SLC1A2: variants seen among roughly 807,000 people sequenced by gnomAD.
The protein encoded by SLC1A2 is solute carrier family 1 member 2.
A neutral mutation model predicts 48.8 loss-of-function variants in SLC1A2; 15 were observed. The observed-to-expected ratio is 0.31, with a 90% CI of 0.21 to 0.47. The LOEUF (loss-of-function observed/expected upper bound fraction) is 0.47. Ranked by LOEUF, SLC1A2 falls within the 20% of genes least tolerant of loss-of-function variation. SLC1A2 has a pLI of 0.99. For synonymous variants in SLC1A2, 279 were observed against 272.6 expected (o/e 1.02, Z -0.23); for missense variants, 502 against 730.5 (o/e 0.69, Z 3.61).
chr11:35,390,587 A>T (rs1325301615), intron 1 of SLC1A2: 1 of 152,108 alleles, frequency 6.6e-6, no homozygotes, highest in Non-Finnish European at 1.5e-5. Flanking sequence ...GTACCATCTC[A>T]TTAAGGAATT....
chr11:35,263,127 T>C (rs1950419335), intron 10 of SLC1A2, among the ~76,000 whole-genome samples: 1 of 152,198 alleles, frequency 6.6e-6, no homozygotes, highest in African/African-American at 2.4e-5. Context: ...CTAATATGGA[T>C]AATTCACATT....
chr11:35,420,040 G>A, upstream of SLC1A2: 1 of 400,744 alleles, frequency 2.5e-6, no homozygotes, highest in Non-Finnish European at 5.3e-6. Context: ...CTCCCCCGCC[G>A]AAGCTCGAAT....
At chr11:35,369,222 C>T (rs1157671537) in intron 1 of SLC1A2, among the ~76,000 whole-genome samples, 1 of 152,280 alleles carries the variant, frequency 6.6e-6, no homozygotes, top group African/African-American at 2.4e-5. Flanking sequence ...CCACCACCTT[C>T]CCAGAGACTG....
intron 8 of SLC1A2, among the ~76,000 whole-genome samples, chr11:35,281,388 T>C (rs1850629168): frequency 6.6e-6 from 1 of 152,312 alleles, no homozygotes; most frequent in Non-Finnish European, 1.5e-5. Flanking sequence ...CATTTCTGCT[T>C]ACGCTTTTAT....
At chr11:35,306,597 A>G (rs1180245814) in intron 4 of SLC1A2, among the ~76,000 whole-genome samples, 1 of 152,212 alleles carries the variant, frequency 6.6e-6, no homozygotes, top group Non-Finnish European at 1.5e-5. Flanking sequence ...AAGTACAGTC[A>G]TCCAACTCTG....
rs1275126382 is a variant in SLC1A2 at position 35,297,508 on chromosome 11, T to C, written c.857+4011A>G. On this transcript the variant is annotated intron_variant, in intron 6 of 10. Coordinates refer to ENST00000278379, the MANE Select transcript of SLC1A2 (RefSeq NM_004171.4). ...TAACACGTGTCATTGAATAGTTTTTTATTTAACAGTGTGGATGGATGGTGG... is the reference window on the plus strand; with the variant it reads ...TAACACGTGTCATTGAATAGTTTTTCATTTAACAGTGTGGATGGATGGTGG... Among the ~76,000 whole-genome samples the C allele has an allele frequency of 2.6e-5, 4 of 152,344 alleles. No individual in the cohort carries two copies. The East Asian group carries it at 5.8e-4, about 22-fold the overall frequency.
intron 1 of SLC1A2, among the ~76,000 whole-genome samples, chr11:35,354,298 A>T (rs114079634): frequency 0.027 from 4,150 of 151,358 alleles, 186 homozygotes; most frequent in African/African-American, 0.094. Context: ...CAAAAAAAAA[A>T]TTTTTTTTTA....
At chr11:35,262,883 A>G (rs1950415137) in intron 10 of SLC1A2, among the ~76,000 whole-genome samples, 1 of 152,238 alleles carries the variant, frequency 6.6e-6, no homozygotes, top group Admixed American at 6.5e-5. Flanking sequence ...TAATTAACCA[A>G]TGAGTTTGCA....
At chr11:35,358,560 A>G (rs932725859) in intron 1 of SLC1A2, among the ~76,000 whole-genome samples, 3 of 151,998 alleles carry the variant, frequency 2.0e-5, no homozygotes, top group Non-Finnish European at 4.4e-5. Context: ...CTCAAATCCA[A>G]TTTTTCCAGA....
intron 1 of SLC1A2, among the ~76,000 whole-genome samples, chr11:35,392,068 T>A (rs1451747130): frequency 6.6e-6 from 1 of 152,236 alleles, no homozygotes; most frequent in Non-Finnish European, 1.5e-5. Flanking sequence ...CTTATCTTGA[T>A]AAATAAATAA....
intron 1 of SLC1A2, among the ~76,000 whole-genome samples, chr11:35,356,300 A>T (rs1193653283): frequency 6.6e-6 from 1 of 152,196 alleles, no homozygotes; most frequent in Non-Finnish European, 1.5e-5. Context: ...CAGTGATGTT[A>T]TGGGCAGGTG....
chr11:35,389,132 A>G (rs1854678886), intron 1 of SLC1A2, among the ~76,000 whole-genome samples: 1 of 148,348 alleles, frequency 6.7e-6, no homozygotes, highest in African/African-American at 2.5e-5. Flanking sequence ...ATGACCAAAA[A>G]CTGAGGGAAA....
In SLC1A2 at chr11:35,257,209, C is replaced by G. The variant is rs140377588; in HGVS notation, c.*3685G>C. The G allele has an allele frequency of 6.6e-6, 1 of 152,142 alleles. No individual in the cohort carries two copies. The highest frequency in any genetic ancestry group is 1.5e-5 in the Non-Finnish European group (1 of 68,020). 9.4% of individuals were successfully genotyped at this position (152,142 alleles called of 1,614,324 possible). Reference sequence around the variant, plus strand: ...AAATGACCAGAGACCCTCTAATCAACAGGTCATTGAGATTCCTGGCATCAC... The same window carrying G: ...AAATGACCAGAGACCCTCTAATCAAGAGGTCATTGAGATTCCTGGCATCAC... On this transcript the variant is annotated 3_prime_UTR_variant, in exon 11 of 11. Transcript: ENST00000278379.
At position 35,305,269 on chromosome 11, in the gene SLC1A2, A is replaced by G. The variant is rs142285506; in HGVS notation, c.730+805T>C. Reference sequence around the variant, plus strand: ...TACTGAACTCCTCAGCTCTCCACCCACTTTGAATAATGATCACAGCTCATA... The same window carrying G: ...TACTGAACTCCTCAGCTCTCCACCCGCTTTGAATAATGATCACAGCTCATA... On this transcript the variant is annotated intron_variant, in intron 5 of 10. Transcript: ENST00000278379. Among the ~76,000 whole-genome samples, 27 of 152,298 alleles carry G rather than the reference A, an allele frequency of 1.8e-4. No homozygotes were observed. In the East Asian group the frequency reaches 5.2e-3, roughly 29 times the overall value.
rs956417853 is a variant in SLC1A2 at position 35,255,848 on chromosome 11, C to T, written c.*5046G>A. On this transcript the variant is annotated 3_prime_UTR_variant, in exon 11 of 11. Coordinates refer to ENST00000278379, the MANE Select transcript of SLC1A2 (RefSeq NM_004171.4). ...CTCAAAATATCAAACTGTGAATGAACATGGCCAACTTTGAAGCTTGTTGTA... is the reference window on the plus strand; with the variant it reads ...CTCAAAATATCAAACTGTGAATGAATATGGCCAACTTTGAAGCTTGTTGTA... 1 of 152,180 alleles carries T rather than the reference C, an allele frequency of 6.6e-6. No individual in the cohort carries two copies. Among genetic ancestry groups the T allele is most frequent in the Non-Finnish European group, 1.5e-5 (1 of 68,030 alleles). 9.4% of individuals were successfully genotyped at this position (152,180 alleles called of 1,614,324 possible). A position where few individuals can be genotyped will look rare whatever the true frequency, so the allele number is the denominator to read the frequency against.
chr11:35,384,469 AC>A (rs1258864279), intron 1 of SLC1A2, among the ~76,000 whole-genome samples: 3 of 152,208 alleles, frequency 2.0e-5, no homozygotes, highest in African/African-American at 7.2e-5. Flanking sequence ...AATAAGGAAG[AC>A]CCACTCAGAG....
intron 1 of SLC1A2, among the ~76,000 whole-genome samples, chr11:35,357,626 C>G (rs1031046252): frequency 6.6e-6 from 1 of 152,198 alleles, no homozygotes; most frequent in South Asian, 2.1e-4. Context: ...AAACAAATGA[C>G]ACCACAGCAA....
At chr11:35,286,218 T>C (rs1850815034) in intron 8 of SLC1A2, 1 of 152,268 alleles carries the variant, frequency 6.6e-6, no homozygotes. Flanking sequence ...TGCTATTTAT[T>C]TGTAATAAAA....
At chr11:35,265,392 G>T in intron 10 of SLC1A2, 135 bp downstream of exon 10, 1 of 615,524 alleles carries the variant, frequency 1.6e-6, no homozygotes, top group East Asian at 2.7e-5. Context: ...ACTCACAGAA[G>T]CTTGGGTTAC....
Sources: gnomAD v4.1 joint callset for allele counts (sites outside exome capture counted in the v4.1 genomes callset) on GRCh38, gnomAD v4.1.1 for gene constraint, MANE v1.5 for transcripts, NCBI Gene and HGNC (gene_info 2026-07-23, HGNC 2026-07-21) for gene names.